NEDD4L: variants seen among roughly 807,000 people sequenced by gnomAD.
NEDD4L encodes the protein NEDD4 like E3 ubiquitin protein ligase.
A neutral mutation model predicts 148.9 loss-of-function variants in NEDD4L; 54 were observed. The observed-to-expected ratio is 0.36, with a 90% CI of 0.29 to 0.45. The LOEUF (loss-of-function observed/expected upper bound fraction) is 0.45, where lower values mean the gene tolerates loss of function less well. Among genes scored for constraint, NEDD4L ranks in the 20% least tolerant of loss-of-function variants. The pLI, the probability that NEDD4L is intolerant of heterozygous loss-of-function variation, is 1.00. For missense variants in NEDD4L, 856 were observed against 1,233.8 expected, an observed-to-expected ratio of 0.69 and a Z score of 4.59; for synonymous variants, 433 against 440.7, an observed-to-expected ratio of 0.98 and a Z score of 0.22.
chr18:58,350,986 A>C lies in NEDD4L; in HGVS notation c.1654-5A>C, dbSNP rs752506413. On this transcript the variant is annotated splice_polypyrimidine_tract_variant and splice_region_variant and intron_variant, in intron 17 of 30. Transcript: ENST00000400345. ...TTCTCTCTCCCTTCCTTCCCCGGAT[A>C]CTAGCCTGGCTGGGAAGAAAGAATT... The C allele has an allele frequency of 6.3e-7, 1 of 1,586,802 alleles. No individual in the cohort carries two copies.
chr18:58,090,876 C>A (rs1202039062), intron 1 of NEDD4L: 1 of 152,214 alleles, frequency 6.6e-6, no homozygotes, highest in Admixed American at 6.5e-5. Context: ...TCAAAAGCAA[C>A]CTTCAAATAG....
At chr18:58,338,412 C>T (rs896891927) in intron 13 of NEDD4L, among the ~76,000 whole-genome samples, 1 of 152,160 alleles carries the variant, frequency 6.6e-6, no homozygotes, top group South Asian at 2.1e-4. Flanking sequence ...ATGGAATCAT[C>T]AGCACAAGTT....
intron 4 of NEDD4L, among the ~76,000 whole-genome samples, chr18:58,251,752 T>C (rs571781297): frequency 1.6e-4 from 24 of 152,294 alleles, no homozygotes; most frequent in African/African-American, 5.5e-4. Flanking sequence ...TATCCTTTCT[T>C]ATTTTAGAAA....
chr18:58,400,802 C>T lies in NEDD4L; in HGVS notation c.*4533C>T, dbSNP rs1406023805. The T allele has an allele frequency of 1.3e-5, 2 of 152,296 alleles. No homozygotes were observed. Among genetic ancestry groups the T allele is most frequent in the East Asian group, 3.9e-4 (2 of 5,194 alleles). The allele number at this position is 152,296 out of a possible 1,614,324, so 9.4% of individuals were successfully genotyped here. On this transcript the variant is annotated 3_prime_UTR_variant, in exon 31 of 31. Coordinates refer to ENST00000400345, the MANE Select transcript of NEDD4L (RefSeq NM_001144967.3). ...ATGTGTTCCCGTGTAAGCCAGTTTT[C>T]CCCTTTTACTCAGACTGATTTCACC...
intron 1 of NEDD4L, among the ~76,000 whole-genome samples, chr18:58,058,524 A>G (rs1377687014): frequency 6.6e-6 from 1 of 152,224 alleles, no homozygotes; most frequent in Non-Finnish European, 1.5e-5. Flanking sequence ...TCTTTGATAC[A>G]AAATCTTTGA....
At chr18:58,236,586 A>T (rs1249864086) in intron 2 of NEDD4L, among the ~76,000 whole-genome samples, 2 of 152,132 alleles carry the variant, frequency 1.3e-5, no homozygotes, top group African/African-American at 4.8e-5. Flanking sequence ...AGACTCTAAG[A>T]TCTTCCTTGC....
intron 9 of NEDD4L, among the ~76,000 whole-genome samples, chr18:58,327,141 TC>T (rs2059380193): frequency 6.6e-6 from 1 of 152,194 alleles, no homozygotes; most frequent in African/African-American, 2.4e-5. Context: ...AGAGTCTCAC[TC>T]TGTCACCCAC....
intron 1 of NEDD4L, among the ~76,000 whole-genome samples, chr18:58,164,570 C>G (rs1568313191): frequency 1.3e-5 from 2 of 152,132 alleles, no homozygotes; most frequent in Admixed American, 1.3e-4. Context: ...CTCCCAGGTT[C>G]AGCAATTCTC....
chr18:58,389,282 G>T (rs2049471383), intron 28 of NEDD4L, 90 bp downstream of exon 28: 1 of 911,110 alleles, frequency 1.1e-6, no homozygotes, highest in Non-Finnish European at 1.7e-6. Flanking sequence ...CTGACTTCAG[G>T]ACTGATGCTG....
intron 16 of NEDD4L, among the ~76,000 whole-genome samples, chr18:58,345,026 G>T (rs918346715): frequency 1.3e-5 from 2 of 152,136 alleles, no homozygotes; most frequent in Non-Finnish European, 2.9e-5. Flanking sequence ...AACAGCACTC[G>T]CTTTATTTAT....
intron 24 of NEDD4L, among the ~76,000 whole-genome samples, chr18:58,375,163 G>C (rs2047401151): frequency 6.6e-6 from 1 of 152,022 alleles, no homozygotes; most frequent in East Asian, 1.9e-4. Context: ...CCCGTGCCCA[G>C]GCTTGCTGTG....
At chr18:58,047,465 T>G in intron 1 of NEDD4L, 1 of 985,226 alleles carries the variant, frequency 1.0e-6, no homozygotes, top group Non-Finnish European at 1.2e-6. Context: ...AGGGCTTAGG[T>G]GCTGTTCCTT....
At chr18:58,300,601 A>G (rs938312688) in intron 5 of NEDD4L, among the ~76,000 whole-genome samples, 1 of 152,250 alleles carries the variant, frequency 6.6e-6, no homozygotes, top group Admixed American at 6.5e-5. Context: ...CTCAGTGCTC[A>G]GTTCTCAGAA....
chr18:58,133,621 T>C (rs2032456702), intron 1 of NEDD4L, among the ~76,000 whole-genome samples: 1 of 152,188 alleles, frequency 6.6e-6, no homozygotes, highest in Non-Finnish European at 1.5e-5. Flanking sequence ...TAGTAATACG[T>C]ATAATGCAGC....
chr18:58,240,292 G>A (rs2046480883), intron 2 of NEDD4L, among the ~76,000 whole-genome samples: 1 of 152,022 alleles, frequency 6.6e-6, no homozygotes, highest in Non-Finnish European at 1.5e-5. Flanking sequence ...GAAAAATACT[G>A]AGGAACCTGA....
chr18:58,091,918 A>G (rs2084095650), intron 1 of NEDD4L, among the ~76,000 whole-genome samples: 1 of 152,208 alleles, frequency 6.6e-6, no homozygotes, highest in Admixed American at 6.5e-5. Flanking sequence ...GACTTGAGCC[A>G]CTACATGCCC....
chr18:58,229,766 C>T (rs993626375), intron 2 of NEDD4L, among the ~76,000 whole-genome samples: 29 of 151,890 alleles, frequency 1.9e-4, no homozygotes, highest in African/African-American at 7.0e-4. Context: ...CCGAGGCGGG[C>T]GGATCGTGAG....
intron 6 of NEDD4L, among the ~76,000 whole-genome samples, chr18:58,317,807 C>T (rs896653975): frequency 6.6e-6 from 1 of 152,136 alleles, no homozygotes. Flanking sequence ...CCAGAGAGGA[C>T]CGAGTGCCCC....
At chr18:58,321,073 C>G (rs2058728945) in intron 6 of NEDD4L, among the ~76,000 whole-genome samples, 1 of 152,208 alleles carries the variant, frequency 6.6e-6, no homozygotes, top group Admixed American at 6.5e-5. Flanking sequence ...TGAGTACCTA[C>G]TTGGTGCCAG....
Sources: allele counts gnomAD v4.1 joint callset (sites outside exome capture counted in the v4.1 genomes callset), GRCh38; gene constraint gnomAD v4.1.1; transcripts MANE v1.5; gene names NCBI Gene and HGNC (gene_info 2026-07-23, HGNC 2026-07-21).